The following TAFA1 variants were observed in gnomAD, a reference collection of about 807,000 sequenced individuals.
TAFA1 encodes chemokine-like protein TAFA-1.
In TAFA1, 4 loss-of-function variants were observed where a neutral mutation model predicts 18.5. That is an observed-to-expected ratio of 0.22 (90% CI 0.11 to 0.49). The LOEUF is 0.49. Among genes scored for constraint, TAFA1 ranks in the 20% least tolerant of loss-of-function variants. The pLI is 0.98. For missense variants in TAFA1, 147 were observed against 169.0 expected, an observed-to-expected ratio of 0.87 and a Z score of 0.72; for synonymous variants, 56 against 55.2, an observed-to-expected ratio of 1.01 and a Z score of -0.06.
chr3:68,408,824 G>C (rs535967833), intron 2 of TAFA1, among the ~76,000 whole-genome samples: 12 of 152,236 alleles, frequency 7.9e-5, no homozygotes, highest in African/African-American at 2.9e-4. Flanking sequence ...GAAAAGTTCA[G>C]CTTGCTAAGA....
At chr3:68,367,747 C>CTGTTTGTT (rs145539567) in intron 2 of TAFA1, among the ~76,000 whole-genome samples, 10,170 of 151,996 alleles carry the variant, frequency 0.067, 466 homozygotes, top group East Asian at 0.23. Context: ...CTTGTGTTGC[C>CTGTTTGTT]TGTTTGTTTG....
intron 3 of TAFA1, among the ~76,000 whole-genome samples, chr3:68,498,481 T>G (rs2072592008): frequency 1.3e-5 from 2 of 152,108 alleles, no homozygotes; most frequent in Non-Finnish European, 2.9e-5. Flanking sequence ...AAAAGCATAT[T>G]GTTGCTAAGT....
At chr3:68,196,036 T>C (rs1049582064) in intron 2 of TAFA1, among the ~76,000 whole-genome samples, 1 of 151,732 alleles carries the variant, frequency 6.6e-6, no homozygotes. Context: ...CAGCTGGGCT[T>C]TTAGAAAATG....
intron 2 of TAFA1, among the ~76,000 whole-genome samples, chr3:68,072,625 A>C (rs1041398693): frequency 2.0e-5 from 3 of 152,166 alleles, no homozygotes; most frequent in Non-Finnish European, 2.9e-5. Context: ...AGAGGTTAGG[A>C]AGAAGAGAGG....
chr3:68,367,312 C>T (rs1385950327), intron 2 of TAFA1, among the ~76,000 whole-genome samples: 1 of 152,176 alleles, frequency 6.6e-6, no homozygotes, highest in Admixed American at 6.5e-5. Context: ...TGTTTACCAG[C>T]TTCCTGCTTA....
At chr3:68,270,424 A>C (rs1174749552) in intron 2 of TAFA1, among the ~76,000 whole-genome samples, 8 of 152,206 alleles carry the variant, frequency 5.3e-5, no homozygotes, top group Non-Finnish European at 1.2e-4. Flanking sequence ...CTACACTTGA[A>C]GTTAGAAAAT....
At chr3:68,250,370 T>A (rs544230794) in intron 2 of TAFA1, among the ~76,000 whole-genome samples, 1 of 152,308 alleles carries the variant, frequency 6.6e-6, no homozygotes, top group East Asian at 1.9e-4. Flanking sequence ...TAAGACATAC[T>A]TGCTCATAGT....
chr3:68,290,740 G>A (rs1559601951), intron 2 of TAFA1, among the ~76,000 whole-genome samples: 1 of 151,816 alleles, frequency 6.6e-6, no homozygotes, highest in Non-Finnish European at 1.5e-5. Flanking sequence ...TATCTGTATT[G>A]CTGCTTTAAA....
At chr3:68,228,745 TA>T (rs1245706200) in intron 2 of TAFA1, among the ~76,000 whole-genome samples, 4 of 152,242 alleles carry the variant, frequency 2.6e-5, no homozygotes, top group African/African-American at 9.6e-5. Flanking sequence ...TGCTTCTTAG[TA>T]AAACCAGCTT....
intron 3 of TAFA1, among the ~76,000 whole-genome samples, chr3:68,424,155 A>C (rs566892490): frequency 1.3e-5 from 2 of 152,112 alleles, no homozygotes; most frequent in Non-Finnish European, 2.9e-5. Context: ...CTTACAACGT[A>C]ACAGAACATT....
At chr3:68,078,224 G>T (rs1000697626) in intron 2 of TAFA1, among the ~76,000 whole-genome samples, 2 of 152,116 alleles carry the variant, frequency 1.3e-5, no homozygotes, top group Non-Finnish European at 2.9e-5. Flanking sequence ...AGACAATGGG[G>T]TTTTCTAGAT....
chr3:68,319,052 T>C (rs1199129185), intron 2 of TAFA1, among the ~76,000 whole-genome samples: 2 of 152,194 alleles, frequency 1.3e-5, no homozygotes, highest in African/African-American at 2.4e-5. Context: ...CCTTTCACAA[T>C]GTACTTGAGG....
intron 2 of TAFA1, among the ~76,000 whole-genome samples, chr3:68,146,149 T>C (rs1391399389): frequency 1.3e-5 from 2 of 152,248 alleles, no homozygotes; most frequent in Non-Finnish European, 2.9e-5. Context: ...ATTAGAGCAC[T>C]GCTTCTTAAA....
intron 2 of TAFA1, among the ~76,000 whole-genome samples, chr3:68,305,584 G>T (rs2068402744): frequency 6.6e-6 from 1 of 150,954 alleles, no homozygotes; most frequent in South Asian, 2.1e-4. Context: ...GATCTCTTTA[G>T]ATCTCTGGGA....
chr3:68,365,403 A>G (rs1490975543), intron 2 of TAFA1, among the ~76,000 whole-genome samples: 1 of 152,206 alleles, frequency 6.6e-6, no homozygotes, highest in Non-Finnish European at 1.5e-5. Context: ...TAATGAAAGG[A>G]CCACAGCTAA....
chr3:68,131,719 T>C (rs1253039654), intron 2 of TAFA1, among the ~76,000 whole-genome samples: 1 of 152,176 alleles, frequency 6.6e-6, no homozygotes, highest in Non-Finnish European at 1.5e-5. Context: ...TTACAATCAC[T>C]GTAGTATCCT....
chr3:68,260,167 A>G (rs1415578994), intron 2 of TAFA1, among the ~76,000 whole-genome samples: 4 of 152,148 alleles, frequency 2.6e-5, no homozygotes, highest in Non-Finnish European at 4.4e-5. Flanking sequence ...AATTTTGTCA[A>G]AGGCCTTTTC....
chr3:68,502,664 C>T (rs2072678078), intron 3 of TAFA1, among the ~76,000 whole-genome samples: 1 of 152,046 alleles, frequency 6.6e-6, no homozygotes, highest in African/African-American at 2.4e-5. Flanking sequence ...TTCTCCCCAG[C>T]CCCATGTACT....
intron 2 of TAFA1, among the ~76,000 whole-genome samples, chr3:68,345,268 C>G (rs1370956964): frequency 5.3e-5 from 8 of 152,100 alleles, no homozygotes; most frequent in Admixed American, 2.6e-4. Flanking sequence ...AAGTGAGCAA[C>G]CAGGGCCAGA....
Sources: gnomAD v4.1 joint callset for allele counts (sites outside exome capture counted in the v4.1 genomes callset) on GRCh38, gnomAD v4.1.1 for gene constraint, MANE v1.5 for transcripts, NCBI Gene and HGNC (gene_info 2026-07-23, HGNC 2026-07-21) for gene names.